Variants in CBLB observed in about 807,000 individuals in gnomAD.
CBLB encodes Cbl proto-oncogene B.
CBLB carries 31 observed loss-of-function variants against 104.9 expected under a neutral mutation model. The ratio of observed to expected loss-of-function variants is 0.30; its 90% CI spans 0.22 to 0.40. The LOEUF is 0.40. Ranked by LOEUF, CBLB falls within the 10% of genes least tolerant of loss-of-function variation. CBLB has a pLI of 1.00. For missense variants in CBLB, 1,062 were observed against 1,214.6 expected (o/e 0.87, Z 1.87); for synonymous variants, 440 against 422.6 (o/e 1.04, Z -0.51).
chr3:105,727,981 C>G (rs1299003219), intron 9 of CBLB, among the ~76,000 whole-genome samples: 2 of 152,148 alleles, frequency 1.3e-5, no homozygotes, highest in African/African-American at 4.8e-5. Context: ...TAGCGTGATG[C>G]CTCCAGCTTT....
chr3:105,858,506 T>G (rs940780030), intron 2 of CBLB, among the ~76,000 whole-genome samples: 1 of 152,206 alleles, frequency 6.6e-6, no homozygotes, highest in South Asian at 2.1e-4. Context: ...GAATGAAGCT[T>G]GGTACTAACA....
rs1486661258 is a variant in CBLB, at chr3:105,835,464, A to AGATTTAATTAT, written c.419+17949_419+17950insATAATTAAATC. Among the ~76,000 whole-genome samples the AGATTTAATTAT allele has an allele frequency of 2.6e-5, 4 of 152,326 alleles. No individual in the cohort carries two copies. In the East Asian group the frequency reaches 5.8e-4, roughly 22 times the overall value. On this transcript the variant is annotated intron_variant, in intron 3 of 18. Coordinates refer to ENST00000394030, the MANE Select transcript of CBLB (RefSeq NM_170662.5). ...GAGAAATATTTAAATCTTTAATTCA[A>AGATTTAATTAT]CCAACTTGATACTGAAGCCCAACTT...
intron 2 of CBLB, among the ~76,000 whole-genome samples, chr3:105,866,974 C>T (rs1022475044): frequency 6.6e-6 from 1 of 152,202 alleles, no homozygotes; most frequent in Non-Finnish European, 1.5e-5. Context: ...CACTTAAGAA[C>T]TAATCTGTTT....
intron 18 of CBLB, among the ~76,000 whole-genome samples, chr3:105,667,569 T>C (rs2064610943): frequency 6.6e-6 from 1 of 152,212 alleles, no homozygotes; most frequent in South Asian, 2.1e-4. Flanking sequence ...ATTTCAATTA[T>C]ACATTTAGAA....
rs116935525 is a variant in CBLB, at chr3:105,716,794, A to T, written c.1407+3253T>A. On this transcript the variant is annotated intron_variant, in intron 10 of 18. Transcript: ENST00000394030. ...AAAGCTTTATTAAATGACACTGCTG[A>T]CTGCCAAATAAGCTACTGAAGTGTG... Among the ~76,000 whole-genome samples the T allele has an allele frequency of 5.8e-4, 89 of 152,324 alleles. 2 individuals carry two copies. The East Asian group carries it at 0.016, about 28-fold the overall frequency.
At chr3:105,853,319 C>A in intron 3 of CBLB, 95 bp downstream of exon 3, 2 of 1,313,090 alleles carry the variant, frequency 1.5e-6, no homozygotes, top group Non-Finnish European at 2.2e-6. Flanking sequence ...TCACATTTAC[C>A]CCAAAACAAT....
intron 4 of CBLB, among the ~76,000 whole-genome samples, chr3:105,760,675 C>CAATTAAAT (rs1219811789): frequency 6.6e-6 from 1 of 151,542 alleles, no homozygotes; most frequent in Non-Finnish European, 1.5e-5. Context: ...CAACATGAGC[C>CAATTAAAT]AATTAAATTA....
intron 3 of CBLB, among the ~76,000 whole-genome samples, chr3:105,831,663 T>A (rs2087548409): frequency 1.3e-5 from 2 of 152,226 alleles, no homozygotes; most frequent in South Asian, 4.1e-4. Flanking sequence ...TTCACAATAC[T>A]AACTGTGACA....
chr3:105,867,580 G>A lies in CBLB; in HGVS notation c.-3C>T. ...CTGCCATTCATTGAGTTTGCCATCTGGAATTTTAGTTCTTTAAAAGGCAGA... is the reference window on the plus strand; with the variant it reads ...CTGCCATTCATTGAGTTTGCCATCTAGAATTTTAGTTCTTTAAAAGGCAGA... On this transcript the variant is annotated 5_prime_UTR_variant, in exon 2 of 19. Coordinates refer to ENST00000394030, the MANE Select transcript of CBLB (RefSeq NM_170662.5). 9 of 1,614,018 alleles carry A rather than the reference G, an allele frequency of 5.6e-6. No individual in the cohort carries two copies. Among genetic ancestry groups the A allele is most frequent in the Non-Finnish European group, 7.6e-6 (9 of 1,179,942 alleles).
chr3:105,673,574 G>A (rs1215996457), intron 17 of CBLB: 2 of 152,078 alleles, frequency 1.3e-5, no homozygotes, highest in African/African-American at 4.8e-5. Context: ...TGCTAAAAAA[G>A]GTTTGAAGAG....
At chr3:105,793,998 T>C (rs999918802) in intron 3 of CBLB, among the ~76,000 whole-genome samples, 26 of 152,192 alleles carry the variant, frequency 1.7e-4, no homozygotes, top group African/African-American at 6.0e-4. Context: ...ATAGAGTTTA[T>C]ATATGGGAAA....
chr3:105,769,978 G>A (rs774169429), intron 4 of CBLB, among the ~76,000 whole-genome samples: 2 of 152,130 alleles, frequency 1.3e-5, no homozygotes, highest in African/African-American at 2.4e-5. Flanking sequence ...TATGTATGGA[G>A]AGGAGAGGCT....
At chr3:105,793,546 A>G (rs1249806456) in intron 3 of CBLB, among the ~76,000 whole-genome samples, 3 of 152,160 alleles carry the variant, frequency 2.0e-5, no homozygotes, top group South Asian at 2.1e-4. Context: ...AGTTCATCAA[A>G]TAACACCATT....
intron 18 of CBLB, among the ~76,000 whole-genome samples, chr3:105,662,550 A>C (rs554485653): frequency 3.4e-4 from 52 of 152,338 alleles, no homozygotes; most frequent in Admixed American, 1.3e-3. Context: ...TGAGCCACAG[A>C]ATATAAATAG....
At chr3:105,795,462 G>A (rs2082152861) in intron 3 of CBLB, among the ~76,000 whole-genome samples, 1 of 152,172 alleles carries the variant, frequency 6.6e-6, no homozygotes, top group East Asian at 1.9e-4. Flanking sequence ...GCATAAATAT[G>A]TGGATAGATA....
At chr3:105,698,872 T>A (rs1021934011) in intron 12 of CBLB, among the ~76,000 whole-genome samples, 1 of 152,096 alleles carries the variant, frequency 6.6e-6, no homozygotes, top group African/African-American at 2.4e-5. Context: ...GATCTACATG[T>A]TTAAAATGAC....
chr3:105,701,624 G>A (rs769575893), intron 12 of CBLB, among the ~76,000 whole-genome samples: 3 of 152,042 alleles, frequency 2.0e-5, no homozygotes, highest in Admixed American at 1.3e-4. Flanking sequence ...TTAGCTAGGC[G>A]TGGTGGCAGG....
At chr3:105,846,649 A>AGAACACT (rs1300479874) in intron 3 of CBLB, among the ~76,000 whole-genome samples, 1 of 152,128 alleles carries the variant, frequency 6.6e-6, no homozygotes, top group African/African-American at 2.4e-5. Context: ...AAAGTTACAA[A>AGAACACT]GAACACTGGG....
intron 4 of CBLB, among the ~76,000 whole-genome samples, chr3:105,760,915 G>A (rs1238016977): frequency 2.0e-5 from 3 of 152,174 alleles, no homozygotes; most frequent in African/African-American, 7.2e-5. Flanking sequence ...AACAACTACT[G>A]CATTTCCTAT....
Sources: allele counts gnomAD v4.1 joint callset (sites outside exome capture counted in the v4.1 genomes callset), GRCh38; gene constraint gnomAD v4.1.1; transcripts MANE v1.5; gene names NCBI Gene and HGNC (gene_info 2026-07-23, HGNC 2026-07-21).